CXADR: variants seen among roughly 807,000 people sequenced by gnomAD.
The protein encoded by CXADR is CXADR cell adhesion molecule.
A neutral mutation model predicts 40.3 loss-of-function variants in CXADR; 20 were observed. The ratio of observed to expected loss-of-function variants is 0.50; its 90% CI spans 0.35 to 0.72. The LOEUF is 0.72. Among genes scored for constraint, CXADR ranks in the 30% least tolerant of loss-of-function variants. The pLI is 0.01. For missense variants in CXADR, 332 were observed against 449.1 expected, an observed-to-expected ratio of 0.74 and a Z score of 2.36; for synonymous variants, 150 against 161.3, an observed-to-expected ratio of 0.93 and a Z score of 0.53.
chr21:17,536,089 G>A (rs1412329074), intron 1 of CXADR, among the ~76,000 whole-genome samples: 3 of 152,038 alleles, frequency 2.0e-5, no homozygotes, highest in South Asian at 2.1e-4. Flanking sequence ...CAGATATTTC[G>A]AGAAGAATCA....
chr21:17,529,954 T>C (rs1338354943), intron 1 of CXADR, among the ~76,000 whole-genome samples: 4 of 151,562 alleles, frequency 2.6e-5, no homozygotes, highest in Non-Finnish European at 5.9e-5. Flanking sequence ...TTTTTCTTTT[T>C]TTTTTTTAAT....
At position 17,568,687 on chromosome 21, in the gene CXADR, A is replaced by G; in HGVS notation, c.*2995A>G. 1.0e-6 allele frequency: 1 copy of G among 984,876 alleles called. No homozygotes were observed. Among genetic ancestry groups the G allele is most frequent in the Non-Finnish European group, 1.2e-6 (1 of 829,868 alleles). The allele number at this position is 984,876 out of a possible 1,614,324, so 61.0% of individuals were successfully genotyped here. A position where few individuals can be genotyped will look rare whatever the true frequency, so the allele number is the denominator to read the frequency against. Reference sequence around the variant, plus strand: ...ATTACAGGTGTGAGCCGCAGCATCCAGCCAGTTCTGTACTTTGAATATGGA... The same window carrying G: ...ATTACAGGTGTGAGCCGCAGCATCCGGCCAGTTCTGTACTTTGAATATGGA... On this transcript the variant is annotated 3_prime_UTR_variant, in exon 7 of 7. Coordinates refer to ENST00000284878, the MANE Select transcript of CXADR (RefSeq NM_001338.5).
At chr21:17,519,989 A>G (rs888781269) in intron 1 of CXADR, among the ~76,000 whole-genome samples, 6 of 151,888 alleles carry the variant, frequency 4.0e-5, no homozygotes, top group Admixed American at 6.6e-5. Flanking sequence ...ACACACACAC[A>G]CACGCACGCA....
At chr21:17,554,808 A>C (rs1424438864) in intron 3 of CXADR, among the ~76,000 whole-genome samples, 1 of 150,800 alleles carries the variant, frequency 6.6e-6, no homozygotes, top group African/African-American at 2.5e-5. Context: ...TGGTCACTGG[A>C]GCTCATTTGA....
intron 2 of CXADR, 101 bp downstream of exon 2, chr21:17,547,294 A>T (rs2060910823): frequency 6.6e-7 from 1 of 1,513,456 alleles, no homozygotes; most frequent in African/African-American, 1.4e-5. Context: ...GGGAGCTAGG[A>T]AGGAAGCCCC....
In CXADR at chr21:17,569,784, A is replaced by T. The variant is rs915397357; in HGVS notation, c.*4092A>T. 5 of 985,150 alleles carry T rather than the reference A, an allele frequency of 5.1e-6. No individual in the cohort carries two copies. The highest frequency in any genetic ancestry group is 6.0e-6 in the Non-Finnish European group (5 of 829,810). The allele number at this position is 985,150 out of a possible 1,614,324, so 61.0% of individuals were successfully genotyped here. A position where few individuals can be genotyped will look rare whatever the true frequency, so the allele number is the denominator to read the frequency against. On this transcript the variant is annotated 3_prime_UTR_variant, in exon 7 of 7. Coordinates refer to ENST00000284878, the MANE Select transcript of CXADR (RefSeq NM_001338.5). The stretch of plus-strand genomic sequence containing the variant: ...GAGACTAAAAGCTCCATCAAAACAG[A>T]ACTTTGTGTTTTCTGCTAACTTATT...
the CXADR span, among the ~76,000 whole-genome samples, chr21:17,634,418 G>C: frequency 2.0e-5 from 3 of 152,114 alleles, no homozygotes; most frequent in African/African-American, 7.2e-5. Flanking sequence ...GCCTAAACAG[G>C]GCTCTTTTCG....
At chr21:17,612,919 G>C in the CXADR span, 1 of 152,058 alleles carries the variant, frequency 6.6e-6, no homozygotes, top group Non-Finnish European at 1.5e-5. Context: ...GCCCCAAAGC[G>C]GCGCGCAGGG....
At chr21:17,558,380 G>C (rs190976124) in intron 3 of CXADR, among the ~76,000 whole-genome samples, 48 of 152,246 alleles carry the variant, frequency 3.2e-4, no homozygotes, top group African/African-American at 1.2e-3. Context: ...TCCCCCCACT[G>C]TCTTGGCCTC....
At chr21:17,592,621 G>C (rs1378688656) in intron 7 of CXADR, among the ~76,000 whole-genome samples, 1 of 151,716 alleles carries the variant, frequency 6.6e-6, no homozygotes, top group Non-Finnish European at 1.5e-5. Context: ...TGATGACTCT[G>C]AAAGTAATTT....
the CXADR span, chr21:17,604,077 C>CAA: frequency 8.3e-7 from 1 of 1,210,602 alleles, no homozygotes; most frequent in Non-Finnish European, 1.1e-6. Flanking sequence ...CAACTCTATT[C>CAA]ATTAGGAGAT....
Position 17,569,043 on chromosome 21 carries a change from G to C in CXADR, c.*3351G>C. On this transcript the variant is annotated 3_prime_UTR_variant, in exon 7 of 7. Transcript: ENST00000284878. ...ATCTTGGAAATTTGGAACAAGTAAAGGGGCAAGTAAACCTTTTGATGAAAT... is the reference window on the plus strand; with the variant it reads ...ATCTTGGAAATTTGGAACAAGTAAACGGGCAAGTAAACCTTTTGATGAAAT... The C allele has an allele frequency of 1.0e-6, 1 of 985,326 alleles. No individual in the cohort carries two copies. Among genetic ancestry groups the C allele is most frequent in the Non-Finnish European group, 1.2e-6 (1 of 829,900 alleles). 61.0% of individuals were successfully genotyped at this position (985,326 alleles called of 1,614,324 possible). A position where few individuals can be genotyped will look rare whatever the true frequency, so the allele number is the denominator to read the frequency against.
chr21:17,543,288 TA>T (rs1423803020), intron 1 of CXADR, among the ~76,000 whole-genome samples: 1 of 152,222 alleles, frequency 6.6e-6, no homozygotes, highest in East Asian at 1.9e-4. Flanking sequence ...GGCAGTTTTT[TA>T]AAATTACTTT....
At chr21:17,563,594 G>T (rs557405274) in intron 6 of CXADR, among the ~76,000 whole-genome samples, 3 of 152,238 alleles carry the variant, frequency 2.0e-5, no homozygotes, top group African/African-American at 4.8e-5. Flanking sequence ...TTGAACTGTT[G>T]TGAGAATTTC....
At chr21:17,581,971 C>T (rs1486417597) in intron 7 of CXADR, among the ~76,000 whole-genome samples, 1 of 151,930 alleles carries the variant, frequency 6.6e-6, no homozygotes, top group Non-Finnish European at 1.5e-5. Flanking sequence ...CGGCGTTTCA[C>T]TCTTCGTTGC....
downstream of CXADR, among the ~76,000 whole-genome samples, chr21:17,574,843 G>T (rs1177747155): frequency 3.9e-5 from 6 of 152,162 alleles, no homozygotes; most frequent in Admixed American, 3.9e-4. Flanking sequence ...ATACCTAGAT[G>T]TATCTGGAGT....
chr21:17,623,904 C>T, the CXADR span, among the ~76,000 whole-genome samples: 1 of 152,128 alleles, frequency 6.6e-6, no homozygotes, highest in African/African-American at 2.4e-5. Flanking sequence ...TGGTTCAACC[C>T]AACATATCCA....
At position 17,565,415 on chromosome 21, in the gene CXADR, T is replaced by C; in HGVS notation, c.834-13T>C. The C allele has an allele frequency of 6.2e-7, 1 of 1,612,404 alleles. No homozygotes were observed. Reference sequence around the variant, plus strand: ...TTATTCTCTTGACATGTATTGGGGATTTTGCTTTGCAGGGAAGATGTGCCA... The same window carrying C: ...TTATTCTCTTGACATGTATTGGGGACTTTGCTTTGCAGGGAAGATGTGCCA... On this transcript the variant is annotated splice_polypyrimidine_tract_variant and intron_variant, in intron 6 of 6. Transcript: ENST00000284878.
intron 1 of CXADR, chr21:17,518,947 C>T (rs138394568): frequency 6.2e-7 from 1 of 1,608,680 alleles, no homozygotes; most frequent in Non-Finnish European, 8.5e-7. Flanking sequence ...ACCCTTGCCC[C>T]CTATCCGGAC....
Sources: gnomAD v4.1 joint callset for allele counts (sites outside exome capture counted in the v4.1 genomes callset) on GRCh38, gnomAD v4.1.1 for gene constraint, MANE v1.5 for transcripts, NCBI Gene and HGNC (gene_info 2026-07-23, HGNC 2026-07-21) for gene names.